Variants in CUL1 observed in about 807,000 individuals in gnomAD.
CUL1 encodes the protein cullin-1.
In CUL1, 24 loss-of-function variants were observed where a neutral mutation model predicts 118.0. That is an observed-to-expected ratio of 0.20 (90% CI 0.15 to 0.29). The LOEUF (loss-of-function observed/expected upper bound fraction) is 0.29, where lower values mean the gene tolerates loss of function less well. Among genes scored for constraint, CUL1 ranks in the 10% least tolerant of loss-of-function variants. The pLI is 1.00. For synonymous variants in CUL1, 332 were observed against 340.4 expected, an observed-to-expected ratio of 0.98 and a Z score of 0.27; for missense variants, 361 against 933.8, an observed-to-expected ratio of 0.39 and a Z score of 7.99.
chr7:148,751,779 A>C (rs1324488105), intron 2 of CUL1, among the ~76,000 whole-genome samples: 3 of 152,150 alleles, frequency 2.0e-5, no homozygotes, highest in Non-Finnish European at 4.4e-5. Context: ...TCAAAAACAA[A>C]TGGCAGAGCA....
chr7:148,700,811 T>C (rs944904244), intron 1 of CUL1, among the ~76,000 whole-genome samples: 1 of 152,200 alleles, frequency 6.6e-6, no homozygotes, highest in African/African-American at 2.4e-5. Flanking sequence ...AATTTAGATA[T>C]GCTAGGGTTT....
rs181279251 is a variant in CUL1 at position 148,799,441 on chromosome 7, G to A, written c.2250+53G>A. On this transcript the variant is annotated intron_variant, in intron 21 of 21. Coordinates refer to ENST00000325222, the MANE Select transcript of CUL1 (RefSeq NM_003592.3). The stretch of plus-strand genomic sequence containing the variant: ...TCCTTTCTTAATTTAGAAGATAAAA[G>A]ATGTAGCAAAAAGTGGATTGATTGC... The A allele has an allele frequency of 3.1e-4, 394 of 1,271,720 alleles. 1 individual carries two copies. The East Asian group carries it at 7.4e-3, about 24-fold the overall frequency. The allele number at this position is 1,271,720 out of a possible 1,614,324, so 78.8% of individuals were successfully genotyped here.
intron 1 of CUL1, among the ~76,000 whole-genome samples, chr7:148,725,553 C>T (rs1368777239): frequency 3.9e-5 from 6 of 152,148 alleles, no homozygotes; most frequent in Non-Finnish European, 8.8e-5. Context: ...TTTTCTCTGC[C>T]CCGTCTGCTT....
Position 148,785,111 on chromosome 7 carries a change from G to T in CUL1, c.1298+1034G>T, listed in dbSNP as rs373195878. On this transcript the variant is annotated intron_variant, in intron 11 of 21. Coordinates refer to ENST00000325222, the MANE Select transcript of CUL1 (RefSeq NM_003592.3). ...TGAAGGTCAATAGCTTTCTCTTAAC[G>T]CAGTTTACCCAAGGCCAGTGAGAAA... 2.5e-3 allele frequency among the ~76,000 whole-genome samples: 376 copies of T among 152,208 alleles called. 2 individuals carry two copies. The highest frequency in any genetic ancestry group is 8.7e-3 in the African/African-American group (362 of 41,538).
intron 2 of CUL1, among the ~76,000 whole-genome samples, chr7:148,751,607 T>G (rs542899071): frequency 6.6e-6 from 1 of 150,652 alleles, no homozygotes; most frequent in East Asian, 2.0e-4. Flanking sequence ...AAACTTGTAC[T>G]CAAGGAGACC....
Position 148,754,067 on chromosome 7 carries a change from C to T in CUL1, c.232C>T (p.Pro78Ser), listed in dbSNP as rs777290710. The T allele has an allele frequency of 1.2e-6, 2 of 1,613,802 alleles. No individual in the cohort carries two copies. The highest frequency in any genetic ancestry group is 1.1e-5 in the South Asian group (1 of 91,024). ...PPSKSKKGQT[P>S]GGAQFVGLEL... Reference sequence around the variant, plus strand: ...TTCTAAGTCGAAAAAGGGGCAGACACCTGGAGGAGCTCAGTTTGTTGGCCT... The same window carrying T: ...TTCTAAGTCGAAAAAGGGGCAGACATCTGGAGGAGCTCAGTTTGTTGGCCT... Residue 78 changes from proline (P) to serine (S), a missense_variant, in exon 3 of 22, where the codon CCT becomes TCT. Physicochemically the swap from Pro to Ser is moderately conservative, Grantham distance 74. Coordinates refer to ENST00000325222, the MANE Select transcript of CUL1 (RefSeq NM_003592.3).
At chr7:148,762,420 AC>A (rs1438514813) in intron 7 of CUL1, among the ~76,000 whole-genome samples, 1 of 152,208 alleles carries the variant, frequency 6.6e-6, no homozygotes, top group Non-Finnish European at 1.5e-5. Flanking sequence ...GGGGTATTAT[AC>A]TTGGAATATT....
intron 17 of CUL1, 142 bp from the exon 18 acceptor site, chr7:148,797,670 T>C (rs1471408712): frequency 4.6e-6 from 3 of 651,096 alleles, no homozygotes; most frequent in Non-Finnish European, 7.8e-6. Context: ...TACCAACTTT[T>C]TTTTCCTTCC....
At chr7:148,778,938 T>C (rs1274931156) in intron 9 of CUL1, among the ~76,000 whole-genome samples, 1 of 152,184 alleles carries the variant, frequency 6.6e-6, no homozygotes, top group Non-Finnish European at 1.5e-5. Flanking sequence ...TTAGCAATAT[T>C]CTTGAATGGT....
Position 148,768,378 on chromosome 7 carries a change from C to CTTTTTT in CUL1, c.1083+648_1083+653dup, listed in dbSNP as rs10595637. Among the ~76,000 whole-genome samples the CTTTTTT allele has an allele frequency of 3.7e-3, 348 of 94,832 alleles. 12 individuals carry two copies. Among genetic ancestry groups the CTTTTTT allele is most frequent in the African/African-American group, 0.013 (328 of 24,410 alleles). 62.2% of individuals were successfully genotyped at this position (94,832 alleles called of 152,430 possible). ...GGGAGAACAATAGAGAAGAAAAGCT[C>CTTTTTT]TTTTTTTTTTTTTTTTTTTTTTTTG... On this transcript the variant is annotated intron_variant, in intron 9 of 21. Coordinates refer to ENST00000325222, the MANE Select transcript of CUL1 (RefSeq NM_003592.3).
chr7:148,768,706 A>G (rs1383812515), intron 9 of CUL1, among the ~76,000 whole-genome samples: 1 of 152,160 alleles, frequency 6.6e-6, no homozygotes. Flanking sequence ...TTTCTAAAAC[A>G]CATTGGTTCT....
At chr7:148,698,410 G>T (rs1342001941), upstream of CUL1, 3 of 152,246 alleles carry the variant, frequency 2.0e-5, no homozygotes, top group Non-Finnish European at 4.4e-5. Flanking sequence ...CCGCTCGCGA[G>T]GTCCGAAGTG....
intron 2 of CUL1, among the ~76,000 whole-genome samples, chr7:148,742,310 A>G (rs963992622): frequency 3.3e-5 from 5 of 152,218 alleles, no homozygotes; most frequent in African/African-American, 1.2e-4. Flanking sequence ...CAATCATGGT[A>G]GAAGGCAAAG....
chr7:148,707,454 A>G (rs1185848187), intron 1 of CUL1, among the ~76,000 whole-genome samples: 1 of 152,194 alleles, frequency 6.6e-6, no homozygotes, highest in South Asian at 2.1e-4. Context: ...TGTCATTTAC[A>G]TGTTATTGGT....
chr7:148,785,045 A>G (rs1800769820), intron 11 of CUL1, among the ~76,000 whole-genome samples: 1 of 152,244 alleles, frequency 6.6e-6, no homozygotes, highest in African/African-American at 2.4e-5. Context: ...ACCATGTACC[A>G]ACTATGTGAC....
chr7:148,757,087 C>T lies in CUL1; in HGVS notation c.420C>T (p.Leu140=). The T allele has an allele frequency of 1.2e-6, 2 of 1,604,716 alleles. No homozygotes were observed. Among genetic ancestry groups the T allele is most frequent in the South Asian group, 1.1e-5 (1 of 89,072 alleles). ...TGCTGAATGGAATTTGTGCCTACCTCAATAGACATTGGGTTCGCCGTGAAT... is the reference window on the plus strand; with the variant it reads ...TGCTGAATGGAATTTGTGCCTACCTTAATAGACATTGGGTTCGCCGTGAAT... ...SKVLNGICAY[L]NRHWVRRECD... The change falls in exon 4 of 22, where the codon CTC becomes CTT. Residue 140 remains leucine (L), a synonymous_variant. Transcript: ENST00000325222.
chr7:148,761,705 T>C (rs1799836169), intron 7 of CUL1, among the ~76,000 whole-genome samples: 1 of 152,178 alleles, frequency 6.6e-6, no homozygotes, highest in African/African-American at 2.4e-5. Context: ...TGTACACAAC[T>C]GAGTGTGGCC....
chr7:148,798,548 C>T (rs201599797), intron 19 of CUL1, 24 bp from the exon 20 acceptor site: 24 of 1,549,126 alleles, frequency 1.5e-5, no homozygotes, highest in Middle Eastern at 1.7e-4. Context: ...TAATAGTGAT[C>T]GGTTTCCTCA....
intron 9 of CUL1, among the ~76,000 whole-genome samples, chr7:148,780,851 T>C (rs1397280360): frequency 6.6e-6 from 1 of 152,196 alleles, no homozygotes; most frequent in Admixed American, 6.5e-5. Context: ...TGAAAAAACA[T>C]CCATTTGATC....
Sources: gnomAD v4.1 joint callset for allele counts (sites outside exome capture counted in the v4.1 genomes callset) on GRCh38, gnomAD v4.1.1 for gene constraint, MANE v1.5 for transcripts, NCBI Gene and HGNC (gene_info 2026-07-23, HGNC 2026-07-21) for gene names.